RHOQ: variants seen among roughly 807,000 people sequenced by gnomAD.
The protein encoded by RHOQ is ras homolog family member Q.
RHOQ carries 7 observed loss-of-function variants against 25.8 expected under a neutral mutation model. The observed-to-expected ratio is 0.27, with a 90% CI of 0.15 to 0.51. RHOQ has a LOEUF of 0.51. RHOQ is among the 20% of genes least tolerant of loss of function. The pLI is 0.97. For synonymous variants in RHOQ, 97 were observed against 98.6 expected (o/e 0.98, Z 0.10); for missense variants, 165 against 260.6 (o/e 0.63, Z 2.53).
At chr2:46,557,783 T>C (rs1668450238) in intron 2 of RHOQ, among the ~76,000 whole-genome samples, 1 of 152,256 alleles carries the variant, frequency 6.6e-6, no homozygotes, top group African/African-American at 2.4e-5. Context: ...CTTTCAACTC[T>C]GCTGTTTATT....
At chr2:46,549,308 AG>A (rs1318788171) in intron 2 of RHOQ, among the ~76,000 whole-genome samples, 3 of 152,140 alleles carry the variant, frequency 2.0e-5, no homozygotes, top group Admixed American at 1.3e-4. Context: ...GATGTGAAAA[AG>A]GTGGGAAGCA....
chr2:46,575,623 G>A (rs966336543), intron 2 of RHOQ, among the ~76,000 whole-genome samples: 1 of 152,112 alleles, frequency 6.6e-6, no homozygotes, highest in African/African-American at 2.4e-5. Flanking sequence ...TTACTCAAAT[G>A]AAAGTCAGGA....
intron 4 of RHOQ, chr2:46,577,121 T>G (rs976333927): frequency 3.3e-5 from 5 of 152,602 alleles, no homozygotes; most frequent in African/African-American, 1.2e-4. Flanking sequence ...CAGTTTAAAT[T>G]TGTGGTTAAA....
rs769151372 is a variant in RHOQ at position 46,548,034 on chromosome 2, G to A, written c.201+4222G>A. ...ACACTCAGGAGGATGTGTGTTGGGGGTGAATTTGGGATCCCTAGAGTTCCA... is the reference window on the plus strand; with the variant it reads ...ACACTCAGGAGGATGTGTGTTGGGGATGAATTTGGGATCCCTAGAGTTCCA... On this transcript the variant is annotated intron_variant, in intron 2 of 4. Coordinates refer to ENST00000238738, the MANE Select transcript of RHOQ (RefSeq NM_012249.4). This position sits in a 1 kb window ranked among gnomAD's most constrained non-coding sequence, Gnocchi z 5.2. Among the ~76,000 whole-genome samples, 1 of 152,230 alleles carries A rather than the reference G, an allele frequency of 6.6e-6. No homozygotes were observed. The highest frequency in any genetic ancestry group is 1.5e-5 in the Non-Finnish European group (1 of 68,038).
rs553642468 is a variant in RHOQ at position 46,552,767 on chromosome 2, G to A, written c.201+8955G>A. On this transcript the variant is annotated intron_variant, in intron 2 of 4. Coordinates refer to ENST00000238738, the MANE Select transcript of RHOQ (RefSeq NM_012249.4). The surrounding 1 kb of genome is among the most constrained non-coding windows in gnomAD (Gnocchi z 5.0). ...GGGCAGGTGTTAGAAGATCTGTCAG[G>A]CACAGGCCTGGCCCCCAGAGGCACA... is the stretch of plus-strand genomic sequence containing the variant. 9.7e-4 allele frequency among the ~76,000 whole-genome samples: 147 copies of A among 152,326 alleles called. No homozygotes were observed. Among genetic ancestry groups the A allele is most frequent in the African/African-American group, 3.4e-3 (141 of 41,556 alleles).
chr2:46,571,984 A>G (rs537837125), intron 2 of RHOQ, among the ~76,000 whole-genome samples: 1 of 152,166 alleles, frequency 6.6e-6, no homozygotes, highest in South Asian at 2.1e-4. Context: ...GCACACAGAA[A>G]GGGGTCTCCA....
chr2:46,556,108 G>A lies in RHOQ; in HGVS notation c.201+12296G>A, dbSNP rs191539044. On this transcript the variant is annotated intron_variant, in intron 2 of 4. Coordinates refer to ENST00000238738, the MANE Select transcript of RHOQ (RefSeq NM_012249.4). This position sits in a 1 kb window ranked among gnomAD's most constrained non-coding sequence, Gnocchi z 4.9. ...CTGGCAACCACTAATCTGTCTTTCT[G>A]TTTCTATGGATTTACCTATTCTGGA... is the stretch of plus-strand genomic sequence containing the variant. 2.8e-3 allele frequency among the ~76,000 whole-genome samples: 423 copies of A among 152,050 alleles called. 2 individuals are homozygous for A. Among genetic ancestry groups the A allele is most frequent in the South Asian group, 8.6e-3 (41 of 4,790 alleles).
chr2:46,551,506 C>T (rs1280481865), intron 2 of RHOQ, among the ~76,000 whole-genome samples: 2 of 151,700 alleles, frequency 1.3e-5, no homozygotes, highest in Non-Finnish European at 2.9e-5. Context: ...TTTTATGGAC[C>T]CCAGATCCCT....
At chr2:46,544,703 G>C (rs1268420917) in intron 2 of RHOQ, among the ~76,000 whole-genome samples, 4 of 152,190 alleles carry the variant, frequency 2.6e-5, no homozygotes, top group African/African-American at 7.2e-5. Context: ...ACTATGATTA[G>C]AGTTGAAGAC....
intron 2 of RHOQ, among the ~76,000 whole-genome samples, chr2:46,573,417 T>C (rs1408056351): frequency 6.6e-6 from 1 of 152,240 alleles, no homozygotes; most frequent in Non-Finnish European, 1.5e-5. Flanking sequence ...TTTTAGATTG[T>C]TCAGACTTAA....
At chr2:46,577,498 C>G (rs1207454856) in intron 4 of RHOQ, among the ~76,000 whole-genome samples, 1 of 142,176 alleles carries the variant, frequency 7.0e-6, no homozygotes, top group African/African-American at 2.6e-5. Flanking sequence ...CTCCCGTGTT[C>G]ATGCCATTCT....
chr2:46,545,169 G>A (rs948327758), intron 2 of RHOQ, among the ~76,000 whole-genome samples: 1 of 152,176 alleles, frequency 6.6e-6, no homozygotes, highest in Non-Finnish European at 1.5e-5. Context: ...GGCCCCCATT[G>A]GTTGCCTGCC....
At position 46,576,793 on chromosome 2, in the gene RHOQ, C is replaced by T. The variant is rs1669143298; in HGVS notation, c.462+137C>T. 1 of 571,148 alleles carries T rather than the reference C, an allele frequency of 1.8e-6. No homozygotes were observed. The highest frequency in any genetic ancestry group is 3.6e-5 in the Admixed American group (1 of 28,038). The allele number at this position is 571,148 out of a possible 1,614,324, so 35.4% of individuals were successfully genotyped here. ...TTATCTCATTTAATCCTTGCATGAA[C>T]TCAGTGAGGTAGGTCTGTTTCCCCT... On this transcript the variant is annotated intron_variant, in intron 4 of 4. Coordinates refer to ENST00000238738, the MANE Select transcript of RHOQ (RefSeq NM_012249.4). This position sits in a 1 kb window ranked among gnomAD's most constrained non-coding sequence, Gnocchi z 5.1.
At chr2:46,553,150 G>T (rs1364531103) in intron 2 of RHOQ, among the ~76,000 whole-genome samples, 1 of 152,118 alleles carries the variant, frequency 6.6e-6, no homozygotes, top group Non-Finnish European at 1.5e-5. Flanking sequence ...TCAGGTGATT[G>T]TGACGCAGGC....
intron 2 of RHOQ, among the ~76,000 whole-genome samples, chr2:46,574,645 C>T (rs542052199): frequency 6.6e-6 from 1 of 152,214 alleles, no homozygotes; most frequent in African/African-American, 2.4e-5. Context: ...CATGTGATAG[C>T]GAACACCTGA....
At chr2:46,571,025 GA>G (rs923366776) in intron 2 of RHOQ, among the ~76,000 whole-genome samples, 1 of 152,142 alleles carries the variant, frequency 6.6e-6, no homozygotes, top group African/African-American at 2.4e-5. Context: ...TTCAGACAGA[GA>G]AACTAAGGCC....
In RHOQ at chr2:46,578,888, T is replaced by C. The variant is rs1178602923; in HGVS notation, c.463-2040T>C. 3.6e-5 allele frequency among the ~76,000 whole-genome samples: 5 copies of C among 138,414 alleles called. No homozygotes were observed. The Admixed American group carries it at 3.6e-4, about 10-fold the overall frequency. 90.8% of individuals were successfully genotyped at this position (138,414 alleles called of 152,430 possible). ...GATGTTAATTATGTTGATTTAATCA[T>C]TTCACTCGTGTGTGTGTGTGTATAT... is the stretch of plus-strand genomic sequence containing the variant. On this transcript the variant is annotated intron_variant, in intron 4 of 4. Transcript: ENST00000238738.
intron 2 of RHOQ, chr2:46,560,804 C>T: frequency 4.0e-6 from 1 of 247,380 alleles, no homozygotes; most frequent in South Asian, 3.8e-5. Context: ...CCAAAACATA[C>T]TCCATTAGGT....
intron 2 of RHOQ, among the ~76,000 whole-genome samples, chr2:46,550,613 CT>C (rs1349010832): frequency 6.6e-6 from 1 of 151,888 alleles, no homozygotes; most frequent in Admixed American, 6.5e-5. Flanking sequence ...TCCAGATGAA[CT>C]TCGAATCCTA....
Sources: allele counts gnomAD v4.1 joint callset (sites outside exome capture counted in the v4.1 genomes callset), GRCh38; gene constraint gnomAD v4.1.1; non-coding constraint Gnocchi (gnomAD v3.1); transcripts MANE v1.5; gene names NCBI Gene and HGNC (gene_info 2026-07-23, HGNC 2026-07-21).